BDP1: variants seen among roughly 807,000 people sequenced by gnomAD.
The protein encoded by BDP1 is transcription factor TFIIIB component B'' homolog.
Under a neutral mutation model 266.6 loss-of-function variants are expected in BDP1, and 169 were observed. That is an observed-to-expected ratio of 0.63 (90% CI 0.56 to 0.72). The LOEUF (loss-of-function observed/expected upper bound fraction) is 0.72, where lower values mean the gene tolerates loss of function less well. Ranked by LOEUF, BDP1 falls within the 30% of genes least tolerant of loss-of-function variation. The probability of loss-of-function intolerance (pLI) is 0.00; values close to 1 mark genes in which losing one functional copy is unlikely to be tolerated. For missense variants in BDP1, 3,015 were observed against 3,053.8 expected (o/e 0.99, Z 0.30); for synonymous variants, 1,090 against 1,022.4 (o/e 1.07, Z -1.26).
At chr5:71,460,330 A>G (rs1761469809) in intron 2 of BDP1, among the ~76,000 whole-genome samples, 1 of 152,268 alleles carries the variant, frequency 6.6e-6, no homozygotes, top group African/African-American at 2.4e-5. Flanking sequence ...CGGTGAGCCA[A>G]AATCGTGCCA....
chr5:71,558,855 A>C (rs532317710), intron 36 of BDP1, among the ~76,000 whole-genome samples: 2 of 148,556 alleles, frequency 1.3e-5, no homozygotes, highest in East Asian at 2.0e-4. Context: ...CAACAAAAAA[A>C]CCCCACACAT....
At chr5:71,551,941 C>T (rs1489475044) in intron 34 of BDP1, among the ~76,000 whole-genome samples, 41 of 147,740 alleles carry the variant, frequency 2.8e-4, no homozygotes, top group Admixed American at 1.2e-3. Flanking sequence ...GGCGGCTGGC[C>T]GGGCGGGGGG....
chr5:71,473,247 ACTTTT>A (rs1762373487), intron 7 of BDP1, among the ~76,000 whole-genome samples: 2 of 140,030 alleles, frequency 1.4e-5, no homozygotes, highest in Admixed American at 1.5e-4. Context: ...TAATGAACCA[ACTTTT>A]CTTAATGTAA....
intron 34 of BDP1, among the ~76,000 whole-genome samples, chr5:71,552,358 C>T (rs1178797220): frequency 1.0e-4 from 15 of 142,978 alleles, no homozygotes; most frequent in East Asian, 3.4e-4. Flanking sequence ...CGGGCAGAGA[C>T]GCTCCTCACT....
At position 71,456,063 on chromosome 5, in the gene BDP1, GC is replaced by G; in HGVS notation, c.190del (p.Gln64LysfsTer88). 1 of 1,613,296 alleles carries G rather than the reference GC, an allele frequency of 6.2e-7. No homozygotes were observed. The highest frequency in any genetic ancestry group is 2.2e-5 in the East Asian group (1 of 44,886). On this transcript the variant is annotated frameshift_variant, in exon 1 of 39. Coordinates refer to ENST00000358731, the MANE Select transcript of BDP1 (RefSeq NM_018429.3). LOFTEE classifies it high-confidence loss of function. ...CCACAGTCGATTTCGGTGGAGCGGA[GC>G]CCCAAGAAAAGGCTCCTAGGAGCAG... Reference protein sequence around the residue: ...VPTVDFGGAEPQEKAPRSSTE... With the variant: ...VPTVDFGGAEXQEKAPRSSTE...
intron 32 of BDP1, among the ~76,000 whole-genome samples, chr5:71,546,474 C>G (rs1330376555): frequency 6.6e-6 from 1 of 151,686 alleles, no homozygotes; most frequent in East Asian, 1.9e-4. Context: ...AAAAATTAGC[C>G]AGTCGTGGTG....
In BDP1 at chr5:71,461,872, C is replaced by T; in HGVS notation, c.545C>T (p.Ser182Leu). 1 of 1,584,230 alleles carries T rather than the reference C, an allele frequency of 6.3e-7. No individual in the cohort carries two copies. The highest frequency in any genetic ancestry group is 8.6e-7 in the Non-Finnish European group (1 of 1,162,132). The change falls in exon 3 of 39, where the codon TCA (serine) becomes TTA (leucine). Residue 182 changes from serine to leucine, a missense_variant. Around this residue, in one of 3 missense-constraint regions of BDP1, gnomAD observed 2,383 missense variants for 2,404.9 expected, o/e 0.99. Coordinates refer to ENST00000358731, the MANE Select transcript of BDP1 (RefSeq NM_018429.3). ...INESQRPPDR[S>L]KMTMRDFIYY... is the part of the protein sequence containing the mutation. Reference sequence around the variant, plus strand: ...GAAAGTCAGAGGCCACCAGATCGTTCAAAAATGACTATGAGAGACTTCATA... The same window carrying T: ...GAAAGTCAGAGGCCACCAGATCGTTTAAAAATGACTATGAGAGACTTCATA...
intron 25 of BDP1, among the ~76,000 whole-genome samples, chr5:71,525,230 A>C (rs1580142006): frequency 2.0e-5 from 3 of 146,724 alleles, no homozygotes; most frequent in South Asian, 2.2e-4. Context: ...GGCGCCCCTC[A>C]CCTCCCGGAT....
At chr5:71,516,402 T>A (rs1765225389) in intron 21 of BDP1, 131 bp downstream of exon 21, 2 of 665,654 alleles carry the variant, frequency 3.0e-6, no homozygotes, top group Non-Finnish European at 2.4e-6. Context: ...TCCAGTTTTG[T>A]TTCAGATTTG....
chr5:71,560,955 T>A (rs1447796404), intron 37 of BDP1, among the ~76,000 whole-genome samples: 3 of 152,114 alleles, frequency 2.0e-5, no homozygotes, highest in African/African-American at 7.2e-5. Context: ...GTGCTGAAAA[T>A]AGAATGAGGC....
At chr5:71,549,152 C>T (rs147414361) in intron 33 of BDP1, among the ~76,000 whole-genome samples, 66 of 152,232 alleles carry the variant, frequency 4.3e-4, no homozygotes, top group Middle Eastern at 6.8e-3. Context: ...GCACAAGAAT[C>T]GCTTGAACCC....
At chr5:71,533,036 T>A (rs1766350707) in intron 26 of BDP1, among the ~76,000 whole-genome samples, 1 of 152,202 alleles carries the variant, frequency 6.6e-6, no homozygotes, top group Non-Finnish European at 1.5e-5. Flanking sequence ...TAAAATCTGA[T>A]CATTTGTGTC....
chr5:71,456,219 A>G, intron 1 of BDP1, 130 bp downstream of exon 1: 1 of 851,270 alleles, frequency 1.2e-6, no homozygotes, highest in Non-Finnish European at 1.8e-6. Flanking sequence ...TTGAGGCTTG[A>G]TGAAACCACT....
intron 5 of BDP1, among the ~76,000 whole-genome samples, chr5:71,466,669 A>G (rs941233144): frequency 6.6e-6 from 1 of 152,176 alleles, no homozygotes; most frequent in Non-Finnish European, 1.5e-5. Flanking sequence ...GGTGAGGTAT[A>G]ATTCATCTTT....
intron 2 of BDP1, 41 bp from the exon 3 acceptor site, chr5:71,461,776 T>G: frequency 8.6e-7 from 1 of 1,165,714 alleles, no homozygotes; most frequent in Non-Finnish European, 1.3e-6. Context: ...CTGAAATTCT[T>G]TAATATTTAT....
chr5:71,482,096 T>C (rs901227602), intron 7 of BDP1, among the ~76,000 whole-genome samples: 15 of 152,230 alleles, frequency 9.9e-5, no homozygotes, highest in African/African-American at 2.4e-5. Flanking sequence ...TCCTTCTGCC[T>C]TCATGGCTTT....
At chr5:71,508,203 G>A (rs1580100775) in intron 16 of BDP1, among the ~76,000 whole-genome samples, 1 of 152,312 alleles carries the variant, frequency 6.6e-6, no homozygotes, top group East Asian at 1.9e-4. Flanking sequence ...GACCTTAAGT[G>A]ATCCACCTGT....
intron 34 of BDP1, 44 bp from the exon 35 acceptor site, chr5:71,553,072 A>T (rs750012695): frequency 6.9e-7 from 1 of 1,444,838 alleles, no homozygotes. Context: ...AGTGTTAAAT[A>T]ACTTCTAATT....
At chr5:71,548,570 T>C (rs1742499444) in intron 32 of BDP1, 112 bp from the exon 33 acceptor site, 1 of 695,928 alleles carries the variant, frequency 1.4e-6, no homozygotes, top group Non-Finnish European at 2.6e-6. Flanking sequence ...GAAAACTGTA[T>C]ATGGTTAGAT....
Sources: gnomAD v4.1 joint callset for allele counts (sites outside exome capture counted in the v4.1 genomes callset) on GRCh38, gnomAD v4.1.1 for gene constraint, gnomAD v4.1.1 regional missense constraint, MANE v1.5 for transcripts, NCBI Gene and HGNC (gene_info 2026-07-23, HGNC 2026-07-21) for gene names.